NPAS3: variants seen among roughly 807,000 people sequenced by gnomAD.
NPAS3 encodes the protein neuronal PAS domain protein 3.
A neutral mutation model predicts 73.1 loss-of-function variants in NPAS3; 14 were observed. That is an observed-to-expected ratio of 0.19 (90% CI 0.13 to 0.30). The LOEUF is 0.30. Among genes scored for constraint, NPAS3 ranks in the 10% least tolerant of loss-of-function variants. The pLI, the probability that NPAS3 is intolerant of heterozygous loss-of-function variation, is 1.00. For missense variants in NPAS3, 1,096 were observed against 1,250.0 expected (o/e 0.88, Z 1.86); for synonymous variants, 620 against 541.5 (o/e 1.14, Z -2.01).
chr14:33,077,777 T>TTTTTTTTTTTG (rs2041713304), intron 2 of NPAS3, among the ~76,000 whole-genome samples: 1 of 147,214 alleles, frequency 6.8e-6, no homozygotes, highest in Non-Finnish European at 1.5e-5. Context: ...AGTAAGGGTT[T>TTTTTTTTTTTG]TTTTTTTTTT....
chr14:33,628,954 G>A (rs775539025), intron 5 of NPAS3, among the ~76,000 whole-genome samples: 3 of 151,838 alleles, frequency 2.0e-5, no homozygotes, highest in Non-Finnish European at 2.9e-5. Context: ...GGAGCGGGCC[G>A]GGCGCAGTGG....
chr14:33,760,397 G>A (rs931027381), intron 7 of NPAS3, among the ~76,000 whole-genome samples: 22 of 151,974 alleles, frequency 1.4e-4, no homozygotes, highest in African/African-American at 2.4e-4. Context: ...CTAAAATAGC[G>A]CCTGGCAATA....
At chr14:33,535,932 G>A (rs1409251787) in intron 4 of NPAS3, among the ~76,000 whole-genome samples, 2 of 152,154 alleles carry the variant, frequency 1.3e-5, no homozygotes, top group Non-Finnish European at 2.9e-5. Flanking sequence ...GTGACTGAGA[G>A]TGCTATATAT....
chr14:33,456,351 T>C (rs993928198), intron 4 of NPAS3, among the ~76,000 whole-genome samples: 2 of 152,126 alleles, frequency 1.3e-5, no homozygotes, highest in African/African-American at 4.8e-5. Context: ...AAATCCCTCA[T>C]GAGGGCTGCT....
intron 9 of NPAS3, among the ~76,000 whole-genome samples, chr14:33,788,263 G>A (rs955440649): frequency 2.6e-5 from 4 of 152,150 alleles, no homozygotes; most frequent in Middle Eastern, 3.2e-3. Context: ...TCCGTTCTCC[G>A]CGGCCACTGA....
At position 33,504,295 on chromosome 14, in the gene NPAS3, T is replaced by TGTTA. The variant is rs1341406164; in HGVS notation, c.469-55825_469-55822dup. ...CCAGGCCTTTTTTTCTTATGTTGTG[T>TGTTA]GTTACTGTGCTTAGCAGAAGGTTTT... On this transcript the variant is annotated intron_variant, in intron 4 of 11. Coordinates refer to ENST00000356141, the Ensembl canonical transcript of NPAS3. 7.2e-5 allele frequency among the ~76,000 whole-genome samples: 11 copies of TGTTA among 152,102 alleles called. No individual in the cohort carries two copies. The South Asian group carries it at 1.2e-3, about 17-fold the overall frequency.
chr14:33,269,585 T>A (rs1459089197), intron 3 of NPAS3, among the ~76,000 whole-genome samples: 1 of 152,182 alleles, frequency 6.6e-6, no homozygotes, highest in Non-Finnish European at 1.5e-5. Context: ...TTTAGGTTCT[T>A]GGCTCAAATA....
At chr14:33,720,243 A>G (rs1352116137) in intron 6 of NPAS3, among the ~76,000 whole-genome samples, 4 of 152,172 alleles carry the variant, frequency 2.6e-5, no homozygotes, top group African/African-American at 9.6e-5. Context: ...GGTAGTATTT[A>G]TTACCTGTTA....
chr14:33,068,803 T>A (rs971271181), intron 2 of NPAS3, among the ~76,000 whole-genome samples: 2 of 151,924 alleles, frequency 1.3e-5, no homozygotes, highest in African/African-American at 2.4e-5. Context: ...ACATTCCAGG[T>A]AGAATGGACA....
chr14:33,612,264 C>T (rs2057774072), intron 5 of NPAS3: 1 of 373,354 alleles, frequency 2.7e-6, no homozygotes, highest in Non-Finnish European at 5.4e-6. Context: ...AGTGATGCCC[C>T]ACTGTTCAGC....
chr14:33,536,961 T>C (rs960093049), intron 4 of NPAS3, among the ~76,000 whole-genome samples: 6 of 152,134 alleles, frequency 3.9e-5, no homozygotes, highest in African/African-American at 1.4e-4. Context: ...AAAAAGAAAT[T>C]GGTGTATGTT....
rs1555370644 is a variant in NPAS3, at chr14:33,301,323, T to TATATATA, written c.386-65863_386-65862insATATATA. Reference sequence around the variant, plus strand: ...TTTTATCATTATATATATATATATATTTTTTTTTTTTAAATCTAGCTGTAA... The same window carrying TATATATA: ...TTTTATCATTATATATATATATATATATATATATTTTTTTTTTTAAATCTAGCTGTAA... On this transcript the variant is annotated intron_variant, in intron 3 of 11. Coordinates refer to ENST00000356141, the Ensembl canonical transcript of NPAS3. Among the ~76,000 whole-genome samples, 64 of 81,526 alleles carry TATATATA rather than the reference T, an allele frequency of 7.9e-4. 2 individuals are homozygous for TATATATA. Among genetic ancestry groups the TATATATA allele is most frequent in the African/African-American group, 2.4e-3 (50 of 20,438 alleles). 53.5% of individuals were successfully genotyped at this position (81,526 alleles called of 152,430 possible).
intron 2 of NPAS3, among the ~76,000 whole-genome samples, chr14:33,071,807 A>G (rs960842594): frequency 3.9e-5 from 6 of 152,236 alleles, no homozygotes; most frequent in African/African-American, 1.4e-4. Flanking sequence ...ATTCAAATGA[A>G]AAAATACAAA....
chr14:33,231,146 T>A (rs1461640537), intron 3 of NPAS3, among the ~76,000 whole-genome samples: 1 of 152,210 alleles, frequency 6.6e-6, no homozygotes, highest in Non-Finnish European at 1.5e-5. Flanking sequence ...TACTACACTT[T>A]GTGAAATGAC....
intron 1 of NPAS3, among the ~76,000 whole-genome samples, chr14:32,956,043 A>T (rs2036657485): frequency 6.6e-6 from 1 of 152,160 alleles, no homozygotes; most frequent in Admixed American, 6.5e-5. Flanking sequence ...AAAGAAAATC[A>T]GTTACAACCA....
intron 4 of NPAS3, among the ~76,000 whole-genome samples, chr14:33,402,879 T>C (rs10483441): frequency 0.029 from 4,468 of 152,218 alleles, 226 homozygotes; most frequent in African/African-American, 0.1. Flanking sequence ...CATTTGTTCA[T>C]GTATGTCAGC....
intron 3 of NPAS3, among the ~76,000 whole-genome samples, chr14:33,354,336 A>G (rs1315141): frequency 0.43 from 65,955 of 151,896 alleles, 14,494 homozygotes; most frequent in Admixed American, 0.55. Context: ...GGGCTCTCCC[A>G]TGACATTTGA....
At chr14:33,785,146 A>G (rs1282290775) in intron 9 of NPAS3, among the ~76,000 whole-genome samples, 1 of 151,476 alleles carries the variant, frequency 6.6e-6, no homozygotes, top group African/African-American at 2.4e-5. Flanking sequence ...AACAAAATCA[A>G]TACTTCTGGC....
At chr14:33,328,344 G>A (rs927645805) in intron 3 of NPAS3, among the ~76,000 whole-genome samples, 12 of 145,430 alleles carry the variant, frequency 8.3e-5, no homozygotes, top group South Asian at 6.6e-4. Flanking sequence ...GCTTATCTTC[G>A]TATTCTTATT....
Sources: allele counts gnomAD v4.1 joint callset (sites outside exome capture counted in the v4.1 genomes callset), GRCh38; gene constraint gnomAD v4.1.1; transcripts MANE v1.5; gene names NCBI Gene and HGNC (gene_info 2026-07-23, HGNC 2026-07-21).